The following MEGF8 variants were observed in gnomAD, a reference collection of about 807,000 sequenced individuals.
The protein encoded by MEGF8 is multiple epidermal growth factor-like domains protein 8.
Under a neutral mutation model 302.9 loss-of-function variants are expected in MEGF8, and 156 were observed. The observed-to-expected ratio is 0.52, with a 90% CI of 0.45 to 0.59. MEGF8 has a LOEUF of 0.59. Ranked by LOEUF, MEGF8 falls within the 20% of genes least tolerant of loss-of-function variation. MEGF8 has a pLI of 0.00. For missense variants in MEGF8, 3,345 were observed against 3,964.5 expected (o/e 0.84, Z 4.20); for synonymous variants, 1,621 against 1,660.5 (o/e 0.98, Z 0.58).
rs781167558 is a variant in MEGF8, at chr19:42,343,946, C to T, written c.1669-8C>T. On this transcript the variant is annotated splice_region_variant and splice_polypyrimidine_tract_variant and intron_variant, in intron 9 of 41. Transcript: ENST00000251268. Reference sequence around the variant, plus strand: ...TGCCTCCCCCTCTGTCCCCTTGCCTCCCTGCAGTACCACTTGGACTACTGC... The same window carrying T: ...TGCCTCCCCCTCTGTCCCCTTGCCTTCCTGCAGTACCACTTGGACTACTGC... 16 of 1,612,372 alleles carry T rather than the reference C, an allele frequency of 9.9e-6. No individual in the cohort carries two copies. The Admixed American group carries it at 1.7e-4, about 17-fold the overall frequency.
In MEGF8 at chr19:42,355,722, G is replaced by A. The variant is rs369399154; in HGVS notation, c.4145-36G>A. ...TGGGGGTGGAAGGGGCCAGGAACGT[G>A]ACTTTGCTACCAGCCTCTGGCCTCT... On this transcript the variant is annotated intron_variant, in intron 23 of 41. Coordinates refer to ENST00000251268, the MANE Select transcript of MEGF8 (RefSeq NM_001271938.2). The A allele has an allele frequency of 5.2e-6, 8 of 1,532,266 alleles. 1 individual carries two copies. The South Asian group carries it at 9.8e-5, about 19-fold the overall frequency. 94.9% of individuals were successfully genotyped at this position (1,532,266 alleles called of 1,614,324 possible).
At chr19:42,366,102 G>A (rs1277324269) in intron 35 of MEGF8, among the ~76,000 whole-genome samples, 1 of 152,090 alleles carries the variant, frequency 6.6e-6, no homozygotes, top group African/African-American at 2.4e-5. Flanking sequence ...AAGAAGTGTT[G>A]GCTTAGATTC....
In MEGF8 at chr19:42,375,390, G is replaced by T; in HGVS notation, c.7270-117G>T. ...GGGAAGTGACTGGGGCAGTGGGGGT[G>T]AGGCCCAGGGCAATGGCTACTTAGC... On this transcript the variant is annotated intron_variant, in intron 41 of 41. Coordinates refer to ENST00000251268, the MANE Select transcript of MEGF8 (RefSeq NM_001271938.2). The surrounding 1 kb of genome is among the most constrained non-coding windows in gnomAD (Gnocchi z 7.1). The T allele has an allele frequency of 9.3e-7, 1 of 1,077,274 alleles. No homozygotes were observed. Among genetic ancestry groups the T allele is most frequent in the Non-Finnish European group, 1.3e-6 (1 of 769,016 alleles). 66.7% of individuals were successfully genotyped at this position (1,077,274 alleles called of 1,614,324 possible). A position where few individuals can be genotyped will look rare whatever the true frequency, so the allele number is the denominator to read the frequency against.
intron 35 of MEGF8, among the ~76,000 whole-genome samples, chr19:42,367,738 C>T (rs1218695585): frequency 6.6e-6 from 1 of 152,174 alleles, no homozygotes; most frequent in South Asian, 2.1e-4. Context: ...GAAAGTACAG[C>T]AGGGCCTCAC....
At chr19:42,350,875 C>T (rs1305357088) in intron 15 of MEGF8, among the ~76,000 whole-genome samples, 3 of 152,150 alleles carry the variant, frequency 2.0e-5, no homozygotes, top group Admixed American at 2.0e-4. Flanking sequence ...AATTGCACTT[C>T]TGTGGCTCTG....
chr19:42,343,477 G>T lies in MEGF8; in HGVS notation c.1514G>T (p.Gly505Val). The T allele has an allele frequency of 1.3e-6, 2 of 1,597,606 alleles. No individual in the cohort carries two copies. The highest frequency in any genetic ancestry group is 1.7e-6 in the Non-Finnish European group (2 of 1,167,836). ...AELAPPGTPE[G>V]RAAPPSGRYS... ...GTCATTGGGGTCTCTATTCCCCTAGGCCGAGCAGCGCCTCCCAGTGGTCGG... is the reference window on the plus strand; with the variant it reads ...GTCATTGGGGTCTCTATTCCCCTAGTCCGAGCAGCGCCTCCCAGTGGTCGG... Residue 505 changes from glycine (G) to valine (V), a missense_variant and splice_region_variant, in exon 9 of 42, where the codon GGC (glycine) becomes GTC (valine). Transcript: ENST00000251268.
chr19:42,344,937 CTT>C lies in MEGF8; in HGVS notation c.2097+106_2097+107del. The C allele has an allele frequency of 7.4e-6, 9 of 1,216,508 alleles. No individual in the cohort carries two copies. The highest frequency in any genetic ancestry group is 2.3e-5 in the South Asian group (1 of 44,406). 75.4% of individuals were successfully genotyped at this position (1,216,508 alleles called of 1,614,324 possible). A position where few individuals can be genotyped will look rare whatever the true frequency, so the allele number is the denominator to read the frequency against. On this transcript the variant is annotated intron_variant, in intron 12 of 41. Transcript: ENST00000251268. This position sits in a 1 kb window ranked among gnomAD's most constrained non-coding sequence, Gnocchi z 4.5. ...TCACTCTTATGTTTACTCCAAAACT[CTT>C]TACATTCAAGGGTCTTATTTTCCTT...
chr19:42,343,447 A>ATAATG (rs1362575956), intron 8 of MEGF8, 30 bp from the exon 9 acceptor site: 1 of 1,564,366 alleles, frequency 6.4e-7, no homozygotes, highest in Non-Finnish European at 8.7e-7. Context: ...TGGGGGTCTA[A>ATAATG]TAATGTCATT....
intron 31 of MEGF8, 150 bp from the exon 32 acceptor site, chr19:42,360,625 G>C: frequency 6.9e-7 from 1 of 1,451,180 alleles, no homozygotes; most frequent in Non-Finnish European, 9.1e-7. Flanking sequence ...GATCACAGGT[G>C]TGAGCCACCG....
In MEGF8 at chr19:42,334,169, C is replaced by A; in HGVS notation, c.514C>A (p.Gln172Lys). 6.2e-7 allele frequency: 1 copy of A among 1,610,416 alleles called. No individual in the cohort carries two copies. Among genetic ancestry groups the A allele is most frequent in the Non-Finnish European group, 8.5e-7 (1 of 1,179,202 alleles). Residue 172 changes from glutamine (Q) to lysine (K), a missense_variant, in exon 3 of 42, where the codon CAG becomes AAG. Physicochemically the swap from Gln to Lys is moderately conservative, Grantham distance 53 (BLOSUM62 1). Transcript: ENST00000251268. The stretch of plus-strand genomic sequence containing the variant: ...CTGGGGGGGTCCTGACTGTGGCCTG[C>A]AGGAGTGCTCAGCCTACTGTGGCAG... ...PGWGGPDCGL[Q>K]ECSAYCGSHG... is the part of the protein sequence containing the mutation.
At chr19:42,373,154 G>A (rs550928690) in intron 41 of MEGF8, among the ~76,000 whole-genome samples, 50 of 151,632 alleles carry the variant, frequency 3.3e-4, no homozygotes, top group African/African-American at 1.0e-3. Context: ...GTGCAGTGGC[G>A]TGATCTTGGC....
Position 42,355,987 on chromosome 19 carries a change from G to A in MEGF8, c.4374G>A (p.Gly1458=). 6.2e-7 allele frequency: 1 copy of A among 1,611,902 alleles called. No individual in the cohort carries two copies. The highest frequency in any genetic ancestry group is 8.5e-7 in the Non-Finnish European group (1 of 1,178,912). Residue 1458 remains glycine, a synonymous_variant, in exon 24 of 42, where the codon GGG becomes GGA. Coordinates refer to ENST00000251268, the MANE Select transcript of MEGF8 (RefSeq NM_001271938.2). ...LCPENCNAHT[G]AGTCNQSLGV... ...CTGAGAACTGCAATGCCCACACTGG[G>A]GCAGGAACTTGTAACCAGGTACAGG...
rs1409445390 is a variant in MEGF8, at chr19:42,369,881, G to A, written c.6834+158G>A. 6.6e-6 allele frequency among the ~76,000 whole-genome samples: 1 copy of A among 152,196 alleles called. No individual in the cohort carries two copies. Among genetic ancestry groups the A allele is most frequent in the Non-Finnish European group, 1.5e-5 (1 of 68,034 alleles). On this transcript the variant is annotated intron_variant, in intron 38 of 41. Transcript: ENST00000251268. This position sits in a 1 kb window ranked among gnomAD's most constrained non-coding sequence, Gnocchi z 5.7. ...CAGGGAGATGTGTGGAGACTTGGGG[G>A]ACGCTGCCTGGGTTTGGATCCCAGA...
chr19:42,337,509 T>TC (rs1176948729), intron 8 of MEGF8, among the ~76,000 whole-genome samples: 1 of 148,136 alleles, frequency 6.8e-6, no homozygotes, highest in African/African-American at 2.5e-5. Flanking sequence ...TTCTTTTCTT[T>TC]TTTTTTTTTT....
chr19:42,359,260 C>T lies in MEGF8; in HGVS notation c.5488+18C>T, dbSNP rs746737781. On this transcript the variant is annotated intron_variant, in intron 31 of 41. Transcript: ENST00000251268. The stretch of plus-strand genomic sequence containing the variant: ...CCTCACCCGTAAGTCCCCATTGTGG[C>T]TCCCAGGAGGCTGAGGGACATCCAG... The T allele has an allele frequency of 1.9e-5, 29 of 1,534,038 alleles. No homozygotes were observed. Among genetic ancestry groups the T allele is most frequent in the Non-Finnish European group, 2.5e-5 (29 of 1,139,032 alleles).
intron 2 of MEGF8, 65 bp from the exon 3 acceptor site, chr19:42,333,942 G>A: frequency 6.5e-7 from 1 of 1,546,714 alleles, no homozygotes; most frequent in Non-Finnish European, 8.8e-7. Flanking sequence ...GGGCAGGAGT[G>A]GGCCACCCTC....
rs1212483048 is a variant in MEGF8, at chr19:42,348,344, G to C, written c.2170G>C (p.Gly724Arg). The change falls in exon 13 of 42, where the codon GGC becomes CGC. Residue 724 changes from glycine (G) to arginine (R), a missense_variant. Transcript: ENST00000251268. ...AETDVSLVYR[G>R]FIYPMLPGGP... ...GACAGATGTGTCCCTGGTCTACCGT[G>C]GCTTCATCTACCCAATGCTGCCTGG... 6.5e-7 allele frequency: 1 copy of C among 1,537,498 alleles called. No individual in the cohort carries two copies. The highest frequency in any genetic ancestry group is 1.2e-5 in the South Asian group (1 of 84,064).
Position 42,353,707 on chromosome 19 carries a change from G to T in MEGF8, c.3761+32G>T, listed in dbSNP as rs199983172. The T allele has an allele frequency of 1.9e-6, 3 of 1,574,182 alleles. No individual in the cohort carries two copies. The highest frequency in any genetic ancestry group is 2.3e-5 in the East Asian group (1 of 44,080). On this transcript the variant is annotated intron_variant, in intron 21 of 41. Transcript: ENST00000251268. The surrounding 1 kb of genome is among the most constrained non-coding windows in gnomAD (Gnocchi z 6.1). The stretch of plus-strand genomic sequence containing the variant: ...CAACGGGCCAGCCAGGGCTGGGTAG[G>T]GTGTGCTTGGGGACACAGTGGGGAG...
chr19:42,366,529 G>A (rs1022022975), intron 35 of MEGF8, among the ~76,000 whole-genome samples: 25 of 152,290 alleles, frequency 1.6e-4, no homozygotes, highest in African/African-American at 5.3e-4. Flanking sequence ...GCTTTGGCCT[G>A]TGAGTCTGGG....
Sources: allele counts gnomAD v4.1 joint callset (sites outside exome capture counted in the v4.1 genomes callset), GRCh38; gene constraint gnomAD v4.1.1; non-coding constraint Gnocchi (gnomAD v3.1); transcripts MANE v1.5; gene names NCBI Gene and HGNC (gene_info 2026-07-23, HGNC 2026-07-21).